The following LMBRD1 variants were observed in gnomAD, a reference collection of about 807,000 sequenced individuals.
LMBRD1 encodes lysosomal cobalamin transport escort protein LMBD1.
LMBRD1 carries 64 observed loss-of-function variants against 74.8 expected under a neutral mutation model. The ratio of observed to expected loss-of-function variants is 0.86; its 90% confidence interval spans 0.70 to 1.05. The LOEUF (loss-of-function observed/expected upper bound fraction) is 1.05. LMBRD1 is among the 50% of genes least tolerant of loss of function. LMBRD1 has a pLI of 0.00. For missense variants in LMBRD1, 652 were observed against 645.9 expected, an observed-to-expected ratio of 1.01 and a Z score of -0.10; for synonymous variants, 204 against 216.3, an observed-to-expected ratio of 0.94 and a Z score of 0.50.
chr6:69,774,987 AAGGGAGGGAGGGAGGGAGGGAGGG>A (rs71996428), intron 3 of LMBRD1, among the ~76,000 whole-genome samples: 6 of 23,342 alleles, frequency 2.6e-4, no homozygotes, highest in Non-Finnish European at 4.0e-4. Flanking sequence ...GGAAGGAAGG[AAGGGAGGGAGGGAGGGAGGGAGGG>A]AGGGAGGGAG....
Position 69,705,749 on chromosome 6 carries a change from T to TA in LMBRD1, c.916-3797dup, listed in dbSNP as rs1342717323. The stretch of plus-strand genomic sequence containing the variant: ...CTCCAGGGACAGACCACTTTCCAGA[T>TA]ATACTTAAGAGTTTCACATCCTCCT... On this transcript the variant is annotated intron_variant, in intron 9 of 15. Coordinates refer to ENST00000649934, the MANE Select transcript of LMBRD1 (RefSeq NM_018368.4). The TA allele has an allele frequency of 1.2e-5, 14 of 1,205,812 alleles. No homozygotes were observed. In the African/African-American group the frequency reaches 2.1e-4, roughly 18 times the overall value. 74.7% of individuals were successfully genotyped at this position (1,205,812 alleles called of 1,614,324 possible).
chr6:69,770,762 G>A (rs947645354), intron 3 of LMBRD1, among the ~76,000 whole-genome samples: 1 of 152,120 alleles, frequency 6.6e-6, no homozygotes, highest in Non-Finnish European at 1.5e-5. Context: ...CTAGCAGGAG[G>A]ATACAAACAA....
chr6:69,731,048 T>C (rs1396016671), intron 7 of LMBRD1, among the ~76,000 whole-genome samples: 2 of 152,126 alleles, frequency 1.3e-5, no homozygotes, highest in Non-Finnish European at 2.9e-5. Flanking sequence ...TACACTTTTT[T>C]AGCTTCTGTG....
At chr6:69,709,234 C>CAAA (rs912383726) in intron 9 of LMBRD1, among the ~76,000 whole-genome samples, 1 of 126,678 alleles carries the variant, frequency 7.9e-6, no homozygotes, top group Non-Finnish European at 1.7e-5. Context: ...AACTCCATCT[C>CAAA]AAAAAAAAAA....
chr6:69,711,424 G>A (rs1165253151), intron 9 of LMBRD1, among the ~76,000 whole-genome samples: 1 of 152,052 alleles, frequency 6.6e-6, no homozygotes, highest in African/African-American at 2.4e-5. Context: ...AAGTTGATTT[G>A]AAAATCCTTC....
At chr6:69,742,653 C>T (rs1391242406) in intron 5 of LMBRD1, among the ~76,000 whole-genome samples, 1 of 152,088 alleles carries the variant, frequency 6.6e-6, no homozygotes. Context: ...TCTAATACCA[C>T]GTCCTTCCCA....
chr6:69,696,196 T>A (rs931997211), intron 14 of LMBRD1, among the ~76,000 whole-genome samples: 1 of 152,188 alleles, frequency 6.6e-6, no homozygotes, highest in Admixed American at 6.5e-5. Flanking sequence ...TCTCTCACCA[T>A]TGCTCTACAA....
intron 14 of LMBRD1, among the ~76,000 whole-genome samples, chr6:69,685,956 T>C (rs1765755087): frequency 6.6e-6 from 1 of 151,846 alleles, no homozygotes; most frequent in Non-Finnish European, 1.5e-5. Context: ...AAGGGAGACA[T>C]GATGGAAAGG....
intron 5 of LMBRD1, among the ~76,000 whole-genome samples, chr6:69,748,091 T>C (rs188456633): frequency 2.0e-5 from 3 of 152,370 alleles, no homozygotes; most frequent in East Asian, 3.9e-4. Flanking sequence ...TGGCAAACTA[T>C]TGGCTGCCTG....
At chr6:69,792,676 T>C (rs1306319447) in intron 1 of LMBRD1, among the ~76,000 whole-genome samples, 2 of 152,248 alleles carry the variant, frequency 1.3e-5, no homozygotes, top group East Asian at 1.9e-4. Flanking sequence ...AAGGAATTCA[T>C]AAATATTTTT....
intron 7 of LMBRD1, among the ~76,000 whole-genome samples, chr6:69,725,501 T>C (rs1440003098): frequency 6.6e-6 from 1 of 151,944 alleles, no homozygotes; most frequent in Non-Finnish European, 1.5e-5. Flanking sequence ...AGAGCTATAG[T>C]AACTAAAACA....
At chr6:69,716,573 C>A (rs904878430) in intron 8 of LMBRD1, among the ~76,000 whole-genome samples, 2 of 152,040 alleles carry the variant, frequency 1.3e-5, no homozygotes, top group Non-Finnish European at 1.5e-5. Flanking sequence ...ATGTTATGTG[C>A]ACAATCAGTA....
At chr6:69,703,681 G>C (rs927096542) in intron 9 of LMBRD1, among the ~76,000 whole-genome samples, 1 of 151,936 alleles carries the variant, frequency 6.6e-6, no homozygotes, top group African/African-American at 2.4e-5. Context: ...ACCACATTGG[G>C]TTGACCTAAA....
intron 3 of LMBRD1, among the ~76,000 whole-genome samples, chr6:69,762,922 AG>A (rs1200302112): frequency 6.6e-6 from 1 of 152,194 alleles, no homozygotes; most frequent in African/African-American, 2.4e-5. Flanking sequence ...TTTATTGATT[AG>A]GTCACCCAGT....
intron 7 of LMBRD1, among the ~76,000 whole-genome samples, chr6:69,722,360 A>T (rs1380099296): frequency 1.3e-5 from 2 of 152,302 alleles, no homozygotes; most frequent in African/African-American, 4.8e-5. Flanking sequence ...TACAAAATTC[A>T]CTGGAACAGT....
chr6:69,764,967 T>A (rs1765449845), intron 3 of LMBRD1, among the ~76,000 whole-genome samples: 1 of 151,584 alleles, frequency 6.6e-6, no homozygotes, highest in African/African-American at 2.4e-5. Context: ...TCTTGCTGTG[T>A]GACCCAGGCT....
At chr6:69,710,167 T>C (rs1766352726) in intron 9 of LMBRD1, among the ~76,000 whole-genome samples, 1 of 152,058 alleles carries the variant, frequency 6.6e-6, no homozygotes, top group African/African-American at 2.4e-5. Context: ...TATAGATCAA[T>C]GAGTAGAATG....
At chr6:69,780,671 C>T (rs193084778) in intron 2 of LMBRD1, 117 bp from the exon 3 acceptor site, 4 of 744,006 alleles carry the variant, frequency 5.4e-6, no homozygotes, top group Middle Eastern at 3.7e-4. Context: ...CACATAAAAA[C>T]AATCTATGTC....
chr6:69,770,890 G>A (rs1765563236), intron 3 of LMBRD1, among the ~76,000 whole-genome samples: 1 of 152,144 alleles, frequency 6.6e-6, no homozygotes, highest in Non-Finnish European at 1.5e-5. Context: ...CAGGTAACAT[G>A]TAAGCAAAGA....
Sources: gnomAD v4.1 joint callset for allele counts (sites outside exome capture counted in the v4.1 genomes callset) on GRCh38, gnomAD v4.1.1 for gene constraint, MANE v1.5 for transcripts, NCBI Gene and HGNC (gene_info 2026-07-23, HGNC 2026-07-21) for gene names.